The following HMGCLL1 variants were observed in gnomAD, a reference collection of about 807,000 sequenced individuals.
The protein encoded by HMGCLL1 is 3-hydroxymethyl-3-methylglutaryl-CoA lyase, cytoplasmic.
In HMGCLL1, 36 loss-of-function variants were observed where a neutral mutation model predicts 39.1. That is an observed-to-expected ratio of 0.92 (90% CI 0.71 to 1.22). The LOEUF is 1.22. Among genes scored for constraint, HMGCLL1 ranks in the 50% most tolerant of loss-of-function variants. HMGCLL1 has a pLI of 0.00. For missense variants in HMGCLL1, 451 were observed against 416.5 expected, an observed-to-expected ratio of 1.08 and a Z score of -0.72; for synonymous variants, 149 against 144.0, an observed-to-expected ratio of 1.03 and a Z score of -0.25.
At chr6:55,579,610 T>C (rs1771934914), upstream of HMGCLL1, among the ~76,000 whole-genome samples, 1 of 152,094 alleles carries the variant, frequency 6.6e-6, no homozygotes, top group African/African-American at 2.4e-5. Flanking sequence ...ATCAGCAAGG[T>C]TAAAACATAT....
intron 1 of HMGCLL1, among the ~76,000 whole-genome samples, chr6:55,571,945 G>A (rs1295254603): frequency 6.6e-6 from 1 of 152,154 alleles, no homozygotes; most frequent in East Asian, 1.9e-4. Flanking sequence ...GGCAGGTATA[G>A]TCTTAAAGCA....
chr6:55,517,602 T>C (rs922448374), intron 3 of HMGCLL1, among the ~76,000 whole-genome samples: 2 of 151,942 alleles, frequency 1.3e-5, no homozygotes, highest in Non-Finnish European at 1.5e-5. Context: ...TTTTTGAATT[T>C]AAAAAATTAA....
At chr6:55,593,933 TA>T in the HMGCLL1 span, among the ~76,000 whole-genome samples, 2 of 152,200 alleles carry the variant, frequency 1.3e-5, no homozygotes, top group African/African-American at 4.8e-5. Context: ...AGCTGGCTTA[TA>T]AACCTAAACG....
At chr6:55,517,155 A>G (rs1561931316) in intron 3 of HMGCLL1, among the ~76,000 whole-genome samples, 1 of 152,116 alleles carries the variant, frequency 6.6e-6, no homozygotes, top group Non-Finnish European at 1.5e-5. Context: ...CTATCATAGT[A>G]TTACCACGTT....
At chr6:55,569,604 G>A (rs1357410701) in intron 1 of HMGCLL1, among the ~76,000 whole-genome samples, 2 of 152,080 alleles carry the variant, frequency 1.3e-5, no homozygotes, top group African/African-American at 4.8e-5. Context: ...CTGTAAAATG[G>A]ATTATTGTAA....
At chr6:55,512,691 C>A (rs1767526785) in intron 5 of HMGCLL1, 1 of 152,066 alleles carries the variant, frequency 6.6e-6, no homozygotes, top group Non-Finnish European at 1.5e-5. Context: ...AAATTCCAAT[C>A]ATTTCACTAA....
intron 8 of HMGCLL1, among the ~76,000 whole-genome samples, chr6:55,435,981 G>C (rs1005985302): frequency 5.9e-5 from 9 of 151,850 alleles, no homozygotes; most frequent in Non-Finnish European, 7.4e-5. Flanking sequence ...TCTTTAATCT[G>C]ACCCTTGTAT....
At chr6:55,625,308 A>T in the HMGCLL1 span, among the ~76,000 whole-genome samples, 1 of 152,106 alleles carries the variant, frequency 6.6e-6, no homozygotes, top group Non-Finnish European at 1.5e-5. Flanking sequence ...GCAGCATTCC[A>T]TCATCGAATG....
chr6:55,653,110 C>T, the HMGCLL1 span, among the ~76,000 whole-genome samples: 1 of 151,900 alleles, frequency 6.6e-6, no homozygotes. Flanking sequence ...TTCTAAATTC[C>T]ATATTATATC....
intron 7 of HMGCLL1, among the ~76,000 whole-genome samples, chr6:55,440,346 A>T (rs549137278): frequency 4.0e-4 from 60 of 151,408 alleles, no homozygotes; most frequent in Admixed American, 3.7e-3. Context: ...ACTATCTGGT[A>T]GGTGAAATCT....
intron 1 of HMGCLL1, among the ~76,000 whole-genome samples, chr6:55,563,361 G>A (rs1771053249): frequency 6.6e-6 from 1 of 152,074 alleles, no homozygotes; most frequent in Non-Finnish European, 1.5e-5. Flanking sequence ...CTGCTGCAAT[G>A]GCAGTCCAGA....
the HMGCLL1 span, among the ~76,000 whole-genome samples, chr6:55,653,815 C>T: frequency 6.6e-6 from 1 of 151,878 alleles, no homozygotes; most frequent in Non-Finnish European, 1.5e-5. Flanking sequence ...TCCAGCATAG[C>T]ACCAAAGTAC....
intron 8 of HMGCLL1, among the ~76,000 whole-genome samples, chr6:55,438,944 TGC>T (rs1331081967): frequency 6.6e-6 from 1 of 152,048 alleles, no homozygotes; most frequent in Non-Finnish European, 1.5e-5. Context: ...AGACTATTCT[TGC>T]CATCCAGTGT....
At chr6:55,458,867 A>G (rs1251159665) in intron 7 of HMGCLL1, among the ~76,000 whole-genome samples, 1 of 152,160 alleles carries the variant, frequency 6.6e-6, no homozygotes, top group Non-Finnish European at 1.5e-5. Context: ...CACATGTACT[A>G]GGGAGTATGC....
the HMGCLL1 span, among the ~76,000 whole-genome samples, chr6:55,621,390 T>TGGTG: frequency 6.6e-6 from 1 of 151,966 alleles, no homozygotes; most frequent in Non-Finnish European, 1.5e-5. Flanking sequence ...GGGTGGTGAG[T>TGGTG]GGTGGGTGAG....
the HMGCLL1 span, among the ~76,000 whole-genome samples, chr6:55,667,028 CT>C: frequency 2.6e-5 from 4 of 151,554 alleles, no homozygotes; most frequent in Non-Finnish European, 5.9e-5. Context: ...TTTGCCCGGC[CT>C]TCTTAACTTT....
the HMGCLL1 span, among the ~76,000 whole-genome samples, chr6:55,595,527 A>G: frequency 6.6e-6 from 1 of 152,232 alleles, no homozygotes; most frequent in African/African-American, 2.4e-5. Context: ...AGGTGAAGCT[A>G]TAGAAATTTT....
At chr6:55,677,695 AT>A in the HMGCLL1 span, among the ~76,000 whole-genome samples, 1 of 152,148 alleles carries the variant, frequency 6.6e-6, no homozygotes, top group Non-Finnish European at 1.5e-5. Context: ...GGAGGTGCTT[AT>A]TTTGCTAAAT....
At chr6:55,673,066 T>C in the HMGCLL1 span, among the ~76,000 whole-genome samples, 1 of 152,044 alleles carries the variant, frequency 6.6e-6, no homozygotes, top group East Asian at 1.9e-4. Flanking sequence ...GGCCTTCAGC[T>C]GATACCTATG....
Sources: gnomAD v4.1 joint callset for allele counts (sites outside exome capture counted in the v4.1 genomes callset) on GRCh38, gnomAD v4.1.1 for gene constraint, MANE v1.5 for transcripts, NCBI Gene and HGNC (gene_info 2026-07-23, HGNC 2026-07-21) for gene names.